The following DENND1A variants were observed in gnomAD, a reference collection of about 807,000 sequenced individuals.
DENND1A encodes DENN domain-containing protein 1A.
DENND1A carries 51 observed loss-of-function variants against 113.7 expected under a neutral mutation model. The observed-to-expected ratio is 0.45, with a 90% CI of 0.36 to 0.57. The LOEUF is 0.57. Among genes scored for constraint, DENND1A ranks in the 20% least tolerant of loss-of-function variants. The pLI, the probability that DENND1A is intolerant of heterozygous loss-of-function variation, is 0.00. For missense variants in DENND1A, 1,258 were observed against 1,395.9 expected (o/e 0.90, Z 1.57); for synonymous variants, 565 against 570.8 (o/e 0.99, Z 0.14).
intron 13 of DENND1A, among the ~76,000 whole-genome samples, chr9:123,554,720 G>A (rs1210683550): frequency 6.6e-6 from 1 of 152,152 alleles, no homozygotes; most frequent in East Asian, 1.9e-4. Context: ...ACTTCCCATT[G>A]TAACATTTCT....
intron 20 of DENND1A, among the ~76,000 whole-genome samples, chr9:123,407,162 A>C (rs899166757): frequency 3.2e-4 from 1 of 3,130 alleles, no homozygotes. Flanking sequence ...GCAGGGGGGG[A>C]GGGGCGGGGG....
chr9:123,626,625 T>C (rs543038038), intron 10 of DENND1A, among the ~76,000 whole-genome samples: 1 of 152,076 alleles, frequency 6.6e-6, no homozygotes, highest in Non-Finnish European at 1.5e-5. Context: ...AAGCTTTCAT[T>C]TGAACAACAA....
intron 2 of DENND1A, among the ~76,000 whole-genome samples, chr9:123,862,373 CCCA>C (rs1845177975): frequency 6.6e-6 from 1 of 152,184 alleles, no homozygotes; most frequent in Admixed American, 6.5e-5. Context: ...AAGAATTTCT[CCCA>C]CCAAGTCTTT....
intron 13 of DENND1A, among the ~76,000 whole-genome samples, chr9:123,461,380 G>A (rs971793274): frequency 6.6e-6 from 1 of 152,170 alleles, no homozygotes; most frequent in East Asian, 1.9e-4. Context: ...AAAGAACCAC[G>A]AAATGAGTTG....
In DENND1A at chr9:123,381,539, C is replaced by CA; in HGVS notation, c.3105dup (p.Glu1036Ter). 1 of 1,613,686 alleles carries CA rather than the reference C, an allele frequency of 6.2e-7. No homozygotes were observed. The highest frequency in any genetic ancestry group is 8.5e-7 in the Non-Finnish European group (1 of 1,179,968). On this transcript the variant is annotated frameshift_variant, in exon 24 of 24. Transcript: ENST00000394215. LOFTEE classifies it high-confidence loss of function. The surrounding 1 kb of genome is among the most constrained non-coding windows in gnomAD (Gnocchi z 4.7). ...TGCTTGGTTTTCTGTAACAAATCCT[C>CA]AAAGGGGTCTCTGGCCTGTTGAGGA...
At position 123,457,802 on chromosome 9, in the gene DENND1A, G is replaced by A; in HGVS notation, c.1089C>T (p.Leu363=). The change falls in exon 14 of 24, where the codon CTC becomes CTT. Residue 363 remains leucine, a synonymous_variant. Transcript: ENST00000394215. ...QFLQNATQLQ[L]FKQFIDGRLD... is the part of the protein sequence containing the mutation. ...CCAGGGAGGGAGGCACCTGCTTGAA[G>A]AGCTGCAGCTGTGTGGCGTTCTGCA... The A allele has an allele frequency of 6.2e-7, 1 of 1,609,712 alleles. No homozygotes were observed. The highest frequency in any genetic ancestry group is 8.5e-7 in the Non-Finnish European group (1 of 1,178,080).
In DENND1A at chr9:123,454,778, G is replaced by T. The variant is rs767735442; in HGVS notation, c.1188C>A (p.Gly396=). 1.6e-5 allele frequency: 25 copies of T among 1,555,012 alleles called. No homozygotes were observed. In the East Asian group the frequency reaches 2.9e-4, roughly 18 times the overall value. The change falls in exon 16 of 24, where the codon GGC becomes GGA. Residue 396 remains glycine (G), a splice_region_variant and synonymous_variant. Coordinates refer to ENST00000394215, the MANE Select transcript of DENND1A (RefSeq NM_001352964.2). ...EEEINMGEYA[G]SDKLYHQWLS... ...GCCACTGATGGTACAGTTTGTCACTGCCTGGGGAAAGAGAATTCAGAGAAG... is the reference window on the plus strand; with the variant it reads ...GCCACTGATGGTACAGTTTGTCACTTCCTGGGGAAAGAGAATTCAGAGAAG...
intron 5 of DENND1A, among the ~76,000 whole-genome samples, chr9:123,710,104 C>T (rs900694916): frequency 1.3e-5 from 2 of 152,160 alleles, no homozygotes; most frequent in Non-Finnish European, 2.9e-5. Flanking sequence ...ATCATGATGA[C>T]GTCCAAATTT....
chr9:123,507,237 G>A (rs1003410208), intron 13 of DENND1A, among the ~76,000 whole-genome samples: 5 of 152,104 alleles, frequency 3.3e-5, no homozygotes, highest in African/African-American at 9.7e-5. Flanking sequence ...ATTTTTACAC[G>A]GGTAACTGTG....
chr9:123,647,741 T>C (rs992540909), intron 9 of DENND1A, among the ~76,000 whole-genome samples: 10 of 152,198 alleles, frequency 6.6e-5, no homozygotes, highest in Non-Finnish European at 1.3e-4. Context: ...GTGCAGTTCA[T>C]TTTCATTGAT....
At chr9:123,691,400 G>A (rs1368248508) in intron 5 of DENND1A, among the ~76,000 whole-genome samples, 2 of 152,140 alleles carry the variant, frequency 1.3e-5, no homozygotes, top group Non-Finnish European at 2.9e-5. Context: ...AGCTAAGTGA[G>A]GAAGGCGAAC....
intron 2 of DENND1A, among the ~76,000 whole-genome samples, chr9:123,861,569 A>G (rs1165264209): frequency 6.6e-6 from 1 of 152,144 alleles, no homozygotes; most frequent in Non-Finnish European, 1.5e-5. Context: ...AAGCAGCCAC[A>G]ATTATTCACC....
intron 18 of DENND1A, among the ~76,000 whole-genome samples, chr9:123,443,873 C>T (rs2047110678): frequency 1.3e-5 from 2 of 152,134 alleles, no homozygotes; most frequent in South Asian, 2.1e-4. Flanking sequence ...GGAGGATCAC[C>T]AGAGCTTGGG....
intron 5 of DENND1A, among the ~76,000 whole-genome samples, chr9:123,714,005 A>G (rs1020165674): frequency 6.6e-6 from 1 of 152,232 alleles, no homozygotes; most frequent in African/African-American, 2.4e-5. Context: ...AAAAATTGGA[A>G]TTTACTTTTA....
chr9:123,441,595 T>C (rs1277346324), intron 18 of DENND1A, among the ~76,000 whole-genome samples: 1 of 152,226 alleles, frequency 6.6e-6, no homozygotes, highest in African/African-American at 2.4e-5. Flanking sequence ...CAGCTGACTA[T>C]ACACGTGGGT....
intron 10 of DENND1A, among the ~76,000 whole-genome samples, chr9:123,617,098 GAAGTAGA>G: frequency 6.6e-6 from 1 of 152,342 alleles, no homozygotes; most frequent in East Asian, 1.9e-4. Context: ...CAGCTGGTGA[GAAGTAGA>G]AAGTATGGGG....
At chr9:123,636,643 A>G (rs1245464665) in intron 9 of DENND1A, among the ~76,000 whole-genome samples, 1 of 151,484 alleles carries the variant, frequency 6.6e-6, no homozygotes, top group Non-Finnish European at 1.5e-5. Context: ...TGTTTGGGGA[A>G]TGGAGAATGC....
At chr9:123,571,174 C>T (rs2058337813) in intron 12 of DENND1A, among the ~76,000 whole-genome samples, 1 of 152,114 alleles carries the variant, frequency 6.6e-6, no homozygotes, top group Non-Finnish European at 1.5e-5. Context: ...GCCATCCTGC[C>T]TCCAAAGTAA....
intron 13 of DENND1A, among the ~76,000 whole-genome samples, chr9:123,518,308 A>G (rs2054106952): frequency 6.6e-6 from 1 of 152,250 alleles, no homozygotes; most frequent in African/African-American, 2.4e-5. Flanking sequence ...GAAGGCACTC[A>G]TTATAAAGAC....
Sources: allele counts gnomAD v4.1 joint callset (sites outside exome capture counted in the v4.1 genomes callset), GRCh38; gene constraint gnomAD v4.1.1; non-coding constraint Gnocchi (gnomAD v3.1); transcripts MANE v1.5; gene names NCBI Gene and HGNC (gene_info 2026-07-23, HGNC 2026-07-21).